Variants in ACAP1 observed in about 807,000 individuals in gnomAD.
ACAP1 encodes arf-GAP with coiled-coil, ANK repeat and PH domain-containing protein 1.
Under a neutral mutation model 98.8 loss-of-function variants are expected in ACAP1, and 45 were observed. That is an observed-to-expected ratio of 0.46 (90% confidence interval 0.36 to 0.58). The LOEUF is 0.58. Ranked by LOEUF, ACAP1 falls within the 20% of genes least tolerant of loss-of-function variation. ACAP1 has a pLI of 0.00. For synonymous variants in ACAP1, 362 were observed against 375.3 expected (o/e 0.96, Z 0.41); for missense variants, 735 against 971.4 (o/e 0.76, Z 3.24).
intron 5 of ACAP1, 190 bp downstream of exon 5, chr17:7,342,664 C>A (rs775725509): frequency 1.5e-4 from 100 of 666,836 alleles, no homozygotes; most frequent in Non-Finnish European, 2.3e-4. Flanking sequence ...TTTTGGGAGG[C>A]CAAGGCGGGC....
intron 2 of ACAP1, among the ~76,000 whole-genome samples, 183 bp from the exon 3 acceptor site, chr17:7,341,765 A>G (rs904732560): frequency 6.6e-6 from 1 of 152,234 alleles, no homozygotes; most frequent in Non-Finnish European, 1.5e-5. Flanking sequence ...AGACGCAGCG[A>G]TAAGAACACA....
Position 7,350,875 on chromosome 17 carries a change from G to C in ACAP1, c.2073-75G>C. 6.8e-7 allele frequency: 1 copy of C among 1,467,128 alleles called. No homozygotes were observed. The highest frequency in any genetic ancestry group is 9.5e-7 in the Non-Finnish European group (1 of 1,048,012). 90.9% of individuals were successfully genotyped at this position (1,467,128 alleles called of 1,614,324 possible). The stretch of plus-strand genomic sequence containing the variant: ...TCCGCCTGCCTCGGCCTCCCAAAGT[G>C]TTGGGATTACAGGCGTGAGCCACCG... On this transcript the variant is annotated intron_variant, in intron 20 of 21. Coordinates refer to ENST00000158762, the MANE Select transcript of ACAP1 (RefSeq NM_014716.4). The surrounding 1 kb of genome is among the most constrained non-coding windows in gnomAD (Gnocchi z 4.6).
In ACAP1 at chr17:7,350,347, G is replaced by A. The variant is rs985586656; in HGVS notation, c.2072+110G>A. On this transcript the variant is annotated intron_variant, in intron 20 of 21. Coordinates refer to ENST00000158762, the MANE Select transcript of ACAP1 (RefSeq NM_014716.4). The surrounding 1 kb of genome is among the most constrained non-coding windows in gnomAD (Gnocchi z 4.6). Reference sequence around the variant, plus strand: ...CGCCGAAACAGAAGCCTGTGCTGTGGGGCCTCGGAAAGGGGCTGGGCCAGC... The same window carrying A: ...CGCCGAAACAGAAGCCTGTGCTGTGAGGCCTCGGAAAGGGGCTGGGCCAGC... 5 of 885,404 alleles carry A rather than the reference G, an allele frequency of 5.6e-6. No homozygotes were observed. In the African/African-American group the frequency reaches 8.5e-5, roughly 15 times the overall value. The allele number at this position is 885,404 out of a possible 1,614,324, so 54.8% of individuals were successfully genotyped here. A position where few individuals can be genotyped will look rare whatever the true frequency, so the allele number is the denominator to read the frequency against.
intron 18 of ACAP1, chr17:7,349,561 G>C (rs1019695478): frequency 3.8e-6 from 1 of 261,958 alleles, no homozygotes; most frequent in Admixed American, 4.9e-5. Context: ...ATTGTTAGTA[G>C]AGATAGGGTT....
Position 7,350,298 on chromosome 17 carries a change from G to T in ACAP1, c.2072+61G>T, listed in dbSNP as rs1167858557. ...ACTCCCCCCACCCCCGCCCACCCAC[G>T]TTCGGGCGGGCGGGCGGGGCTGACG... On this transcript the variant is annotated intron_variant, in intron 20 of 21. Coordinates refer to ENST00000158762, the MANE Select transcript of ACAP1 (RefSeq NM_014716.4). This position sits in a 1 kb window ranked among gnomAD's most constrained non-coding sequence, Gnocchi z 4.6. The T allele has an allele frequency of 4.4e-5, 60 of 1,352,228 alleles. No homozygotes were observed. Among genetic ancestry groups the T allele is most frequent in the Non-Finnish European group, 3.7e-5 (36 of 964,918 alleles). The allele number at this position is 1,352,228 out of a possible 1,614,324, so 83.8% of individuals were successfully genotyped here. A position where few individuals can be genotyped will look rare whatever the true frequency, so the allele number is the denominator to read the frequency against.
In ACAP1 at chr17:7,350,283, C is replaced by A. The variant is rs566885267; in HGVS notation, c.2072+46C>A. ...GGGGCTGGCGCTGGGACTCCCCCCACCCCCGCCCACCCACGTTCGGGCGGG... is the reference window on the plus strand; with the variant it reads ...GGGGCTGGCGCTGGGACTCCCCCCAACCCCGCCCACCCACGTTCGGGCGGG... On this transcript the variant is annotated intron_variant, in intron 20 of 21. Transcript: ENST00000158762. The surrounding 1 kb of genome is among the most constrained non-coding windows in gnomAD (Gnocchi z 4.6). 10 of 1,507,012 alleles carry A rather than the reference C, an allele frequency of 6.6e-6. No homozygotes were observed. The highest frequency in any genetic ancestry group is 3.5e-5 in the Admixed American group (2 of 56,834). The allele number at this position is 1,507,012 out of a possible 1,614,324, so 93.4% of individuals were successfully genotyped here.
In ACAP1 at chr17:7,350,733, CCT is replaced by C. The variant is rs2073399002; in HGVS notation, c.2073-216_2073-215del. 3 of 521,576 alleles carry C rather than the reference CCT, an allele frequency of 5.8e-6. No homozygotes were observed. The highest frequency in any genetic ancestry group is 3.9e-5 in the African/African-American group (2 of 51,672). The allele number at this position is 521,576 out of a possible 1,614,324, so 32.3% of individuals were successfully genotyped here. ...AAGCGATTCTCCTGTCTCAGCCTCC[CCT>C]GAGTAGCTGGGACTACAGGCGTGCG... On this transcript the variant is annotated intron_variant, in intron 20 of 21. Coordinates refer to ENST00000158762, the MANE Select transcript of ACAP1 (RefSeq NM_014716.4). This position sits in a 1 kb window ranked among gnomAD's most constrained non-coding sequence, Gnocchi z 4.6.
chr17:7,347,851 A>C, intron 14 of ACAP1, 71 bp from the exon 15 acceptor site: 3 of 1,352,358 alleles, frequency 2.2e-6, no homozygotes. Flanking sequence ...CAGTGTCTTC[A>C]GGAGCAGCAG....
chr17:7,342,448 G>A lies in ACAP1; in HGVS notation c.318G>A (p.Gln106=). The change falls in exon 5 of 22, where the codon CAG becomes CAA. Residue 106 remains glutamine (Q), a synonymous_variant. Coordinates refer to ENST00000158762, the MANE Select transcript of ACAP1 (RefSeq NM_014716.4). ...ELLDATQHTL[Q]QQIQTLVKEG... ...TAGATGCCACCCAACACACACTGCA[G>A]CAGCAGATCCAGACCCTGGTCAAGG... 1 of 1,614,164 alleles carries A rather than the reference G, an allele frequency of 6.2e-7. No individual in the cohort carries two copies. The highest frequency in any genetic ancestry group is 2.2e-5 in the East Asian group (1 of 44,878).
chr17:7,337,752 G>A (rs2073236334), intron 2 of ACAP1, among the ~76,000 whole-genome samples: 1 of 152,120 alleles, frequency 6.6e-6, no homozygotes, highest in Non-Finnish European at 1.5e-5. Flanking sequence ...TACTCAAGAG[G>A]CTGAGGCAGA....
rs773771993 is a variant in ACAP1 at position 7,351,399 on chromosome 17, G to C, written c.*4G>C. The C allele has an allele frequency of 7.5e-6, 12 of 1,605,170 alleles. No homozygotes were observed. The highest frequency in any genetic ancestry group is 9.4e-6 in the Non-Finnish European group (11 of 1,175,312). On this transcript the variant is annotated 3_prime_UTR_variant, in exon 22 of 22. Transcript: ENST00000158762. ...TCATGACCTCCACACGCTGTGACCCGAGGCCCACGGGGCCCGCGCCTGCCT... is the reference window on the plus strand; with the variant it reads ...TCATGACCTCCACACGCTGTGACCCCAGGCCCACGGGGCCCGCGCCTGCCT...
chr17:7,348,799 C>A (rs917042657), intron 17 of ACAP1, 196 bp from the exon 18 acceptor site: 3 of 600,918 alleles, frequency 5.0e-6, no homozygotes, highest in Non-Finnish European at 8.6e-6. Flanking sequence ...GTCTCTCCCC[C>A]ACACCCTAGG....
At chr17:7,347,459 T>C (rs1236396715) in intron 14 of ACAP1, 2 of 544,310 alleles carry the variant, frequency 3.7e-6, no homozygotes, top group Non-Finnish European at 6.4e-6. Flanking sequence ...TGGCCAGAAT[T>C]GGGGGATACC....
chr17:7,346,247 C>A lies in ACAP1; in HGVS notation c.858C>A (p.Arg286=). Residue 286 remains arginine, a synonymous_variant, in exon 11 of 22, where the codon CGC becomes CGA. Coordinates refer to ENST00000158762, the MANE Select transcript of ACAP1 (RefSeq NM_014716.4). ...ASNAFKTWSR[R]WFTIQSNQLV... Reference sequence around the variant, plus strand: ...TAATGATTTCCTTCTCTTACAGACGCTGGTTCACCATTCAGAGCAACCAAC... The same window carrying A: ...TAATGATTTCCTTCTCTTACAGACGATGGTTCACCATTCAGAGCAACCAAC... 1 of 1,614,180 alleles carries A rather than the reference C, an allele frequency of 6.2e-7. No individual in the cohort carries two copies. Among genetic ancestry groups the A allele is most frequent in the Non-Finnish European group, 8.5e-7 (1 of 1,180,010 alleles).
Position 7,348,424 on chromosome 17 carries a change from C to T in ACAP1, c.1627C>T (p.Pro543Ser), listed in dbSNP as rs1158058608. ...GCGCCCAAGGGGGCAGCCTCCTGTG[C>T]CCCCAAAGCCTTCCATCAGGCCCCG... ...RGRPRGQPPV[P>S]PKPSIRPRPG... Residue 543 changes from proline (P) to serine (S), a missense_variant, in exon 17 of 22, where the codon CCC becomes TCC. Physicochemically the swap from Pro to Ser is moderately conservative, Grantham distance 74. Around this residue, in one of 5 missense-constraint regions of ACAP1, gnomAD observed 80 missense variants for 64.4 expected, o/e 1.24. Coordinates refer to ENST00000158762, the MANE Select transcript of ACAP1 (RefSeq NM_014716.4). 3.3e-6 allele frequency: 5 copies of T among 1,511,450 alleles called. No individual in the cohort carries two copies. Among genetic ancestry groups the T allele is most frequent in the Non-Finnish European group, 4.4e-6 (5 of 1,131,840 alleles). The allele number at this position is 1,511,450 out of a possible 1,614,324, so 93.6% of individuals were successfully genotyped here.
At position 7,347,198 on chromosome 17, in the gene ACAP1, C is replaced by T. The variant is rs951332847; in HGVS notation, c.1299C>T (p.Ile433=). 1.2e-6 allele frequency: 2 copies of T among 1,613,938 alleles called. No individual in the cohort carries two copies. The highest frequency in any genetic ancestry group is 2.7e-5 in the African/African-American group (2 of 74,932). Reference sequence around the variant, plus strand: ...AGCCAGCCCCGGAGTGGGCCAGCATCAACCTTGGTGTCACCCTCTGCATTC... The same window carrying T: ...AGCCAGCCCCGGAGTGGGCCAGCATTAACCTTGGTGTCACCCTCTGCATTC... ...CREPAPEWAS[I]NLGVTLCIQC... The change falls in exon 14 of 22, where the codon ATC becomes ATT. Residue 433 remains isoleucine (I), a synonymous_variant. Coordinates refer to ENST00000158762, the MANE Select transcript of ACAP1 (RefSeq NM_014716.4).
In ACAP1 at chr17:7,344,143, G is replaced by C; in HGVS notation, c.744+20G>C. ...CAGAAGGTGAGGGGCCAGGTGCGGT[G>C]GCCCACGACCGTCATCCCAACATGT... On this transcript the variant is annotated intron_variant, in intron 9 of 21. Transcript: ENST00000158762. This position sits in a 1 kb window ranked among gnomAD's most constrained non-coding sequence, Gnocchi z 4.9. 1 of 1,557,258 alleles carries C rather than the reference G, an allele frequency of 6.4e-7. No individual in the cohort carries two copies. Among genetic ancestry groups the C allele is most frequent in the Non-Finnish European group, 8.7e-7 (1 of 1,150,212 alleles).
intron 14 of ACAP1, chr17:7,347,629 G>A: frequency 1.8e-6 from 1 of 555,628 alleles, no homozygotes; most frequent in South Asian, 2.2e-5. Context: ...ACATGGGAGA[G>A]GTTGTCCAGG....
At position 7,337,298 on chromosome 17, in the gene ACAP1, C is replaced by T; in HGVS notation, c.54-14C>T. Reference sequence around the variant, plus strand: ...TGGACCCAAGCTCTCTTCCCATGACCCCCTCTTTCCCAGAGCCTCTATTGA... The same window carrying T: ...TGGACCCAAGCTCTCTTCCCATGACTCCCTCTTTCCCAGAGCCTCTATTGA... On this transcript the variant is annotated splice_polypyrimidine_tract_variant and intron_variant, in intron 1 of 21. Transcript: ENST00000158762. 1.2e-6 allele frequency: 2 copies of T among 1,613,600 alleles called. No individual in the cohort carries two copies. Among genetic ancestry groups the T allele is most frequent in the East Asian group, 2.2e-5 (1 of 44,878 alleles).
Sources: allele counts gnomAD v4.1 joint callset (sites outside exome capture counted in the v4.1 genomes callset), GRCh38; gene constraint gnomAD v4.1.1; regional missense constraint gnomAD v4.1.1; non-coding constraint Gnocchi (gnomAD v3.1); transcripts MANE v1.5; gene names NCBI Gene and HGNC (gene_info 2026-07-23, HGNC 2026-07-21).